The following MINK1 variants were observed in gnomAD, a reference collection of about 807,000 sequenced individuals.
MINK1 encodes the protein misshapen like kinase 1.
MINK1 carries 46 observed loss-of-function variants against 178.4 expected under a neutral mutation model. The ratio of observed to expected loss-of-function variants is 0.26; its 90% CI spans 0.20 to 0.33. The LOEUF is 0.33. Ranked by LOEUF, MINK1 falls within the 10% of genes least tolerant of loss-of-function variation. MINK1 has a pLI of 1.00. For synonymous variants in MINK1, 797 were observed against 709.7 expected (o/e 1.12, Z -1.96); for missense variants, 1,366 against 1,814.9 (o/e 0.75, Z 4.49).
At chr17:4,857,815 T>C (rs1223271474) in intron 1 of MINK1, among the ~76,000 whole-genome samples, 4 of 152,182 alleles carry the variant, frequency 2.6e-5, no homozygotes, top group South Asian at 4.1e-4. Context: ...TCTTTTCTTA[T>C]GCACACACAC....
chr17:4,852,019 A>AAAAC (rs1467657266), intron 1 of MINK1, among the ~76,000 whole-genome samples: 3 of 150,966 alleles, frequency 2.0e-5, no homozygotes, highest in African/African-American at 7.3e-5. Context: ...AAAAAAAAAA[A>AAAAC]AAAAAAAACT....
intron 1 of MINK1, among the ~76,000 whole-genome samples, chr17:4,846,902 A>T (rs1002558387): frequency 1.3e-5 from 2 of 152,174 alleles, no homozygotes; most frequent in African/African-American, 2.4e-5. Context: ...CTGACTTCCC[A>T]TACTCATGCC....
intron 1 of MINK1, among the ~76,000 whole-genome samples, chr17:4,837,829 C>T (rs1452599458): frequency 6.6e-6 from 1 of 152,170 alleles, no homozygotes; most frequent in East Asian, 1.9e-4. Flanking sequence ...GCATGGAGCA[C>T]ATTCAAGGAG....
At chr17:4,846,122 T>G (rs1910987654) in intron 1 of MINK1, among the ~76,000 whole-genome samples, 1 of 152,182 alleles carries the variant, frequency 6.6e-6, no homozygotes, top group Admixed American at 6.5e-5. Context: ...GCCCCCTGTC[T>G]TAGAGGTCAA....
intron 16 of MINK1, 63 bp from the exon 17 acceptor site, chr17:4,892,086 C>G: frequency 7.3e-7 from 1 of 1,375,674 alleles, no homozygotes; most frequent in Admixed American, 2.0e-5. Flanking sequence ...AGAGGTGAGG[C>G]TTAAACATCT....
intron 20 of MINK1, 25 bp downstream of exon 20, chr17:4,893,092 G>GC (rs1242783933): frequency 6.5e-7 from 1 of 1,546,968 alleles, no homozygotes; most frequent in African/African-American, 1.4e-5. Flanking sequence ...GGCAGGCATG[G>GC]CCTGCCTCAT....
chr17:4,891,223 C>CACACA (rs1555541497), intron 15 of MINK1, 99 bp downstream of exon 15: 6 of 1,163,662 alleles, frequency 5.2e-6, no homozygotes, highest in Non-Finnish European at 7.2e-6. Flanking sequence ...CACACACACA[C>CACACA]ACCTGCTCAG....
chr17:4,864,972 G>A (rs1032774435), intron 1 of MINK1, among the ~76,000 whole-genome samples: 2 of 152,172 alleles, frequency 1.3e-5, no homozygotes, highest in East Asian at 3.8e-4. Flanking sequence ...GCACTTCACA[G>A]CACATAAGAC....
chr17:4,892,505 G>T lies in MINK1; in HGVS notation c.2191G>T (p.Ala731Ser), dbSNP rs376943724. 4.5e-6 allele frequency: 7 copies of T among 1,557,878 alleles called. No homozygotes were observed. In the African/African-American group the frequency reaches 9.6e-5, roughly 21 times the overall value. ...PPAQPPGPPN[A>S]SSNPDLRRSD... ...TGCTCAGCCCCCTGGCCCGCCCAAC[G>T]CCTCTAGGTAATAGAGTTGTCCCCC... The change falls in exon 18 of 32, where the codon GCC becomes TCC. Residue 731 changes from alanine (A) to serine (S), a missense_variant. Coordinates refer to ENST00000355280, the MANE Select transcript of MINK1 (RefSeq NM_153827.5).
rs1969277620 is a variant in MINK1, at chr17:4,894,835, T to G, written c.2917+202T>G. The stretch of plus-strand genomic sequence containing the variant: ...CCCACAGGACAGGAAATGCTCAGAG[T>G]TGCCAGGGGACCTGGGCAAAGACTC... On this transcript the variant is annotated intron_variant, in intron 24 of 31. Transcript: ENST00000355280. This position sits in a 1 kb window ranked among gnomAD's most constrained non-coding sequence, Gnocchi z 4.1. The G allele has an allele frequency of 1.6e-6, 1 of 635,646 alleles. No individual in the cohort carries two copies. Among genetic ancestry groups the G allele is most frequent in the African/African-American group, 1.8e-5 (1 of 54,356 alleles). 39.4% of individuals were successfully genotyped at this position (635,646 alleles called of 1,614,324 possible).
At chr17:4,879,270 G>A (rs1389627688) in intron 2 of MINK1, among the ~76,000 whole-genome samples, 1 of 152,212 alleles carries the variant, frequency 6.6e-6, no homozygotes, top group Non-Finnish European at 1.5e-5. Flanking sequence ...AGCTGCTCCA[G>A]CAGGGAGGGA....
chr17:4,853,942 T>A (rs1770238886), intron 1 of MINK1, among the ~76,000 whole-genome samples: 1 of 152,122 alleles, frequency 6.6e-6, no homozygotes, highest in Non-Finnish European at 1.5e-5. Context: ...CCTCCAACTA[T>A]CTTCACACCC....
chr17:4,891,860 G>T, intron 16 of MINK1, 144 bp downstream of exon 16: 1 of 1,237,900 alleles, frequency 8.1e-7, no homozygotes, highest in Non-Finnish European at 1.1e-6. Context: ...GGGGTCAGCC[G>T]TCCAGCTGAG....
chr17:4,873,825 G>A (rs1966925651), intron 1 of MINK1, among the ~76,000 whole-genome samples: 1 of 151,910 alleles, frequency 6.6e-6, no homozygotes, highest in African/African-American at 2.4e-5. Flanking sequence ...TCATAATGTT[G>A]GCCAGGCTGG....
intron 1 of MINK1, among the ~76,000 whole-genome samples, chr17:4,864,463 C>T (rs1259871282): frequency 6.6e-6 from 1 of 151,802 alleles, no homozygotes; most frequent in Non-Finnish European, 1.5e-5. Context: ...GTGGCTCATG[C>T]CTGTAATCCC....
chr17:4,889,782 A>T lies in MINK1; in HGVS notation c.1347+19A>T. ...CGAGCAGGTAGAGCGCCGCACCCGC[A>T]TCCCTGCCCTCCCGCCCTCCCGCTC... On this transcript the variant is annotated intron_variant, in intron 13 of 31. Coordinates refer to ENST00000355280, the MANE Select transcript of MINK1 (RefSeq NM_153827.5). 6.7e-7 allele frequency: 1 copy of T among 1,494,424 alleles called. No homozygotes were observed. The highest frequency in any genetic ancestry group is 8.9e-7 in the Non-Finnish European group (1 of 1,120,748). The allele number at this position is 1,494,424 out of a possible 1,614,324, so 92.6% of individuals were successfully genotyped here.
chr17:4,894,542 G>A lies in MINK1; in HGVS notation c.2826G>A (p.Leu942=), dbSNP rs1158751852. 6.2e-7 allele frequency: 1 copy of A among 1,604,720 alleles called. No homozygotes were observed. The highest frequency in any genetic ancestry group is 1.1e-5 in the South Asian group (1 of 89,152). Residue 942 remains leucine, a synonymous_variant, in exon 24 of 32, where the codon CTG becomes CTA. Transcript: ENST00000355280. This position sits in a 1 kb window ranked among gnomAD's most constrained non-coding sequence, Gnocchi z 4.1. ...DGSGDYQSRG[L]VKAPGKSSFT... is the part of the protein sequence containing the mutation. ...TACCACAGTACCAGTCTCGTGGGCT[G>A]GTAAAGGCCCCTGGCAAGAGCTCGT...
At chr17:4,866,459 C>T (rs1171974043) in intron 1 of MINK1, among the ~76,000 whole-genome samples, 3 of 150,232 alleles carry the variant, frequency 2.0e-5, no homozygotes, top group African/African-American at 7.4e-5. Flanking sequence ...GAGTGAGACT[C>T]CGTCTCAAAA....
chr17:4,893,136 G>A (rs1311653055), intron 20 of MINK1, 69 bp downstream of exon 20: 3 of 1,515,636 alleles, frequency 2.0e-6, no homozygotes, highest in Middle Eastern at 1.7e-4. Context: ...GGTGCTGGGT[G>A]TCAGGGGTGG....
Sources: gnomAD v4.1 joint callset for allele counts (sites outside exome capture counted in the v4.1 genomes callset) on GRCh38, gnomAD v4.1.1 for gene constraint, Gnocchi (gnomAD v3.1) non-coding constraint, MANE v1.5 for transcripts, NCBI Gene and HGNC (gene_info 2026-07-23, HGNC 2026-07-21) for gene names.